The following ACSS2 variants were observed in gnomAD, a reference collection of about 807,000 sequenced individuals.
The protein encoded by ACSS2 is acyl-CoA synthetase short chain family member 2, also known as acetyl-coenzyme A synthetase, cytoplasmic.
In ACSS2, 58 loss-of-function variants were observed where a neutral mutation model predicts 90.6. The ratio of observed to expected loss-of-function variants is 0.64; its 90% CI spans 0.52 to 0.80. ACSS2 has a LOEUF of 0.80. Among genes scored for constraint, ACSS2 ranks in the 30% least tolerant of loss-of-function variants. The pLI is 0.00. For missense variants in ACSS2, 759 were observed against 912.0 expected, an observed-to-expected ratio of 0.83 and a Z score of 2.16; for synonymous variants, 300 against 330.9, an observed-to-expected ratio of 0.91 and a Z score of 1.01.
intron 2 of ACSS2, among the ~76,000 whole-genome samples, chr20:34,911,266 C>T (rs1441444366): frequency 6.7e-6 from 1 of 150,274 alleles, no homozygotes; most frequent in Non-Finnish European, 1.5e-5. Flanking sequence ...TGGCCCACTG[C>T]AACTTCCGCC....
At chr20:34,891,554 T>C (rs1379045525) in intron 2 of ACSS2, among the ~76,000 whole-genome samples, 1 of 152,188 alleles carries the variant, frequency 6.6e-6, no homozygotes, top group Non-Finnish European at 1.5e-5. Context: ...AGGTTTGGAA[T>C]GAAGGGGCTG....
chr20:34,901,348 G>A (rs978904908), intron 2 of ACSS2, among the ~76,000 whole-genome samples: 3 of 151,912 alleles, frequency 2.0e-5, no homozygotes, highest in South Asian at 2.1e-4. Flanking sequence ...CTCCCACCTC[G>A]GCCCCTAAAG....
intron 2 of ACSS2, among the ~76,000 whole-genome samples, chr20:34,897,860 T>C (rs139490044): frequency 1.2e-4 from 18 of 152,266 alleles, no homozygotes; most frequent in African/African-American, 2.9e-4. Context: ...TTATACCATA[T>C]ATCAGTACTT....
chr20:34,920,270 T>C (rs779465818), intron 8 of ACSS2, among the ~76,000 whole-genome samples: 25 of 152,128 alleles, frequency 1.6e-4, no homozygotes, highest in Non-Finnish European at 3.4e-4. Context: ...AGTGCTCATG[T>C]GTGAGTGATG....
At position 34,921,562 on chromosome 20, in the gene ACSS2, C is replaced by T. The variant is rs2081199861; in HGVS notation, c.1429C>T (p.Pro477Ser). 2 of 1,614,194 alleles carry T rather than the reference C, an allele frequency of 1.2e-6. No homozygotes were observed. The highest frequency in any genetic ancestry group is 1.7e-5 in the Admixed American group (1 of 60,032). Reference sequence around the variant, plus strand: ...TCCCCAGGGTGGCCACATGTTGACTCCCCTTCCTGGTGCCACACCCATGAA... The same window carrying T: ...TCCCCAGGGTGGCCACATGTTGACTTCCCTTCCTGGTGCCACACCCATGAA... ...QTETGGHMLT[P>S]LPGATPMKPG... The change falls in exon 12 of 18, where the codon CCC becomes TCC. Residue 477 changes from proline to serine, a missense_variant. Coordinates refer to ENST00000360596, the MANE Select transcript of ACSS2 (RefSeq NM_018677.4).
chr20:34,927,376 C>A lies in ACSS2; in HGVS notation c.*162C>A. 1 of 937,050 alleles carries A rather than the reference C, an allele frequency of 1.1e-6. No individual in the cohort carries two copies. Among genetic ancestry groups the A allele is most frequent in the Non-Finnish European group, 1.6e-6 (1 of 619,190 alleles). The allele number at this position is 937,050 out of a possible 1,614,324, so 58.0% of individuals were successfully genotyped here. A position where few individuals can be genotyped will look rare whatever the true frequency, so the allele number is the denominator to read the frequency against. On this transcript the variant is annotated 3_prime_UTR_variant, in exon 18 of 18. Coordinates refer to ENST00000360596, the MANE Select transcript of ACSS2 (RefSeq NM_018677.4). The surrounding 1 kb of genome is among the most constrained non-coding windows in gnomAD (Gnocchi z 4.2). ...TTTGTCTCCAGGTAGAGACAACATCCTGTGACTGCCAGGCAGAAAGGACAG... is the reference window on the plus strand; with the variant it reads ...TTTGTCTCCAGGTAGAGACAACATCATGTGACTGCCAGGCAGAAAGGACAG...
chr20:34,925,047 A>G (rs966974173), intron 14 of ACSS2, among the ~76,000 whole-genome samples: 13 of 150,682 alleles, frequency 8.6e-5, no homozygotes, highest in African/African-American at 3.3e-4. Context: ...TTAGAAAATA[A>G]CTTTGCTGGA....
chr20:34,927,023 C>G lies in ACSS2; in HGVS notation c.1979-64C>G. ...GTGGTGGGGTGTGCGTGGATGAAAGCCTTTGGCAGGGCTAGGGTGGGTCAG... is the reference window on the plus strand; with the variant it reads ...GTGGTGGGGTGTGCGTGGATGAAAGGCTTTGGCAGGGCTAGGGTGGGTCAG... On this transcript the variant is annotated intron_variant, in intron 17 of 17. Transcript: ENST00000360596. The surrounding 1 kb of genome is among the most constrained non-coding windows in gnomAD (Gnocchi z 4.2). 1 of 1,613,894 alleles carries G rather than the reference C, an allele frequency of 6.2e-7. No individual in the cohort carries two copies. Among genetic ancestry groups the G allele is most frequent in the African/African-American group, 1.3e-5 (1 of 74,990 alleles).
intron 7 of ACSS2, among the ~76,000 whole-genome samples, chr20:34,916,608 C>T (rs1027576647): frequency 6.6e-6 from 1 of 152,130 alleles, no homozygotes; most frequent in Non-Finnish European, 1.5e-5. Context: ...TACCAAAGAG[C>T]ATAAAAATAG....
At chr20:34,916,822 G>A (rs866721025) in intron 7 of ACSS2, among the ~76,000 whole-genome samples, 2 of 152,102 alleles carry the variant, frequency 1.3e-5, no homozygotes, top group Admixed American at 1.3e-4. Context: ...CAACCATATC[G>A]TCTATGAGCT....
At chr20:34,908,189 C>G (rs1013712803) in intron 2 of ACSS2, among the ~76,000 whole-genome samples, 1 of 152,150 alleles carries the variant, frequency 6.6e-6, no homozygotes, top group South Asian at 2.1e-4. Context: ...ATATTCTGAG[C>G]AGGGGCAATG....
chr20:34,900,323 C>T (rs552049756), intron 2 of ACSS2, among the ~76,000 whole-genome samples: 5 of 144,020 alleles, frequency 3.5e-5, no homozygotes, highest in Admixed American at 2.8e-4. Flanking sequence ...GTGCGTGCCA[C>T]CATGCCCGGC....
intron 2 of ACSS2, among the ~76,000 whole-genome samples, chr20:34,895,456 C>T (rs1323238555): frequency 1.3e-5 from 2 of 152,184 alleles, no homozygotes; most frequent in African/African-American, 4.8e-5. Context: ...TGTTTCACTT[C>T]TGAGTTGTAA....
intron 2 of ACSS2, among the ~76,000 whole-genome samples, chr20:34,884,421 T>C (rs938152390): frequency 6.6e-5 from 10 of 152,354 alleles, no homozygotes; most frequent in African/African-American, 1.9e-4. Context: ...GCCATTAACA[T>C]GTTATATAAC....
intron 7 of ACSS2, among the ~76,000 whole-genome samples, chr20:34,916,302 A>G (rs1162872767): frequency 5.3e-5 from 8 of 152,170 alleles, no homozygotes; most frequent in African/African-American, 1.9e-4. Flanking sequence ...TGCTGTGTAA[A>G]CTTGAACAAA....
At chr20:34,904,071 T>C (rs1314887650) in intron 2 of ACSS2, among the ~76,000 whole-genome samples, 3 of 151,566 alleles carry the variant, frequency 2.0e-5, no homozygotes, top group Non-Finnish European at 4.4e-5. Flanking sequence ...CAAATAAATA[T>C]AATAAAAGCT....
At position 34,914,313 on chromosome 20, in the gene ACSS2, T is replaced by C; in HGVS notation, c.720-10T>C. ...ACAAGGCTACCACTTTAGGCTTTTC[T>C]CTTCTCCAGGGGTTTCCCAGTAAGA... On this transcript the variant is annotated splice_polypyrimidine_tract_variant and intron_variant, in intron 6 of 17. Transcript: ENST00000360596. The C allele has an allele frequency of 6.2e-7, 1 of 1,611,612 alleles. No individual in the cohort carries two copies. Among genetic ancestry groups the C allele is most frequent in the Non-Finnish European group, 8.5e-7 (1 of 1,178,636 alleles).
intron 2 of ACSS2, among the ~76,000 whole-genome samples, chr20:34,912,227 G>A (rs1251588708): frequency 6.6e-6 from 1 of 152,248 alleles, no homozygotes; most frequent in Non-Finnish European, 1.5e-5. Context: ...CTAGGAAGGA[G>A]TGGGAGGCAA....
At chr20:34,877,607 C>G (rs1211969471) in intron 1 of ACSS2, among the ~76,000 whole-genome samples, 2 of 152,002 alleles carry the variant, frequency 1.3e-5, no homozygotes, top group East Asian at 1.9e-4. Flanking sequence ...CACTTGAGGT[C>G]AGGAGTTCGA....
Sources: allele counts gnomAD v4.1 joint callset (sites outside exome capture counted in the v4.1 genomes callset), GRCh38; gene constraint gnomAD v4.1.1; non-coding constraint Gnocchi (gnomAD v3.1); transcripts MANE v1.5; gene names NCBI Gene and HGNC (gene_info 2026-07-23, HGNC 2026-07-21).